Variants in MEGF11 observed in about 807,000 individuals in gnomAD.
MEGF11 encodes multiple epidermal growth factor-like domains protein 11.
A neutral mutation model predicts 146.6 loss-of-function variants in MEGF11; 126 were observed. That is an observed-to-expected ratio of 0.86 (90% CI 0.74 to 1.00). MEGF11 has a LOEUF of 1.00. MEGF11 is among the 50% of genes least tolerant of loss of function. The pLI, the probability that MEGF11 is intolerant of heterozygous loss-of-function variation, is 0.00. For synonymous variants in MEGF11, 532 were observed against 583.4 expected (o/e 0.91, Z 1.27); for missense variants, 1,509 against 1,521.2 (o/e 0.99, Z 0.13).
intron 1 of MEGF11, among the ~76,000 whole-genome samples, chr15:66,132,500 G>C (rs1368447041): frequency 6.6e-6 from 1 of 152,192 alleles, no homozygotes; most frequent in African/African-American, 2.4e-5. Context: ...CCATCTTCCC[G>C]TGATCCTTTG....
intron 4 of MEGF11, among the ~76,000 whole-genome samples, chr15:66,095,097 A>C (rs936283872): frequency 6.6e-6 from 1 of 152,236 alleles, no homozygotes; most frequent in African/African-American, 2.4e-5. Context: ...CACGATGATG[A>C]TAATTGTAAT....
rs536078305 is a variant in MEGF11 at position 65,974,608 on chromosome 15, T to C, written c.763-3919A>G. 4.0e-3 allele frequency among the ~76,000 whole-genome samples: 610 copies of C among 152,114 alleles called. 8 individuals are homozygous for C. The highest frequency in any genetic ancestry group is 7.1e-3 in the South Asian group (34 of 4,810). Reference sequence around the variant, plus strand: ...AGGCGGAGGTTGCAGTGAGCCAAGATTGTGCCACTGCACTCCAGCCTGGGC... The same window carrying C: ...AGGCGGAGGTTGCAGTGAGCCAAGACTGTGCCACTGCACTCCAGCCTGGGC... On this transcript the variant is annotated intron_variant, in intron 7 of 25. Transcript: ENST00000395614.
At position 66,018,400 on chromosome 15, in the gene MEGF11, C is replaced by T. The variant is rs145783517; in HGVS notation, c.395-35912G>A. The stretch of plus-strand genomic sequence containing the variant: ...CTAGGCTCTCCCCTCCGACTCCTCC[C>T]TGTGAAATAAGAGAGTGGGGCTACA... On this transcript the variant is annotated intron_variant, in intron 5 of 25. Coordinates refer to ENST00000395614, the MANE Select transcript of MEGF11 (RefSeq NM_001385028.1). Among the ~76,000 whole-genome samples, 701 of 152,356 alleles carry T rather than the reference C, an allele frequency of 4.6e-3. 8 individuals carry two copies. The highest frequency in any genetic ancestry group is 0.016 in the African/African-American group (658 of 41,580).
At chr15:65,910,916 A>T (rs1481716421) in intron 21 of MEGF11, among the ~76,000 whole-genome samples, 1 of 152,242 alleles carries the variant, frequency 6.6e-6, no homozygotes, top group African/African-American at 2.4e-5. Context: ...GCACAGGCAC[A>T]GGTGGGTGTC....
At chr15:66,219,449 A>G (rs1185527609) in intron 1 of MEGF11, among the ~76,000 whole-genome samples, 1 of 152,246 alleles carries the variant, frequency 6.6e-6, no homozygotes, top group African/African-American at 2.4e-5. Flanking sequence ...AAATAAGCAC[A>G]TGAAAAAAAT....
At chr15:66,249,514 T>G (rs1024095650) in intron 1 of MEGF11, among the ~76,000 whole-genome samples, 3 of 152,200 alleles carry the variant, frequency 2.0e-5, no homozygotes, top group Non-Finnish European at 2.9e-5. Context: ...TTGCAATATA[T>G]TCTCTCTGTG....
chr15:65,925,053 A>G (rs965991754), intron 13 of MEGF11, among the ~76,000 whole-genome samples: 8 of 152,302 alleles, frequency 5.3e-5, no homozygotes, highest in African/African-American at 1.7e-4. Context: ...ACTGCACACC[A>G]GGCACTCTTT....
intron 10 of MEGF11, among the ~76,000 whole-genome samples, chr15:65,955,763 T>A (rs55814694): frequency 0.16 from 890 of 5,530 alleles, 91 homozygotes; most frequent in Middle Eastern, 0.5. Flanking sequence ...AAAAAAAAAA[T>A]ATATATATAT....
At chr15:66,004,672 T>G (rs986348166) in intron 5 of MEGF11, among the ~76,000 whole-genome samples, 2 of 151,942 alleles carry the variant, frequency 1.3e-5, no homozygotes, top group African/African-American at 4.8e-5. Flanking sequence ...TTGGGGGTGG[T>G]AAGAGCCCCA....
At chr15:66,246,642 C>CAA (rs57461790) in intron 1 of MEGF11, among the ~76,000 whole-genome samples, 63 of 144,834 alleles carry the variant, frequency 4.3e-4, no homozygotes, top group Middle Eastern at 7.0e-3. Flanking sequence ...CCATCTCCAC[C>CAA]AAAAAAAAAA....
At chr15:65,992,818 C>T (rs1328979214) in intron 5 of MEGF11, among the ~76,000 whole-genome samples, 1 of 152,180 alleles carries the variant, frequency 6.6e-6, no homozygotes, top group African/African-American at 2.4e-5. Context: ...AGTTATCCCC[C>T]TTCACAGAGG....
At chr15:66,227,228 T>G (rs2091873345) in intron 1 of MEGF11, among the ~76,000 whole-genome samples, 1 of 152,134 alleles carries the variant, frequency 6.6e-6, no homozygotes. Flanking sequence ...GAGTCCCTGC[T>G]GTGCTGCTTA....
chr15:66,252,374 A>C (rs968241600), intron 1 of MEGF11, among the ~76,000 whole-genome samples: 1 of 152,108 alleles, frequency 6.6e-6, no homozygotes, highest in Non-Finnish European at 1.5e-5. Context: ...GCCTCCTCCA[A>C]CCCGCCGCAG....
chr15:65,998,308 A>G (rs1029591284), intron 5 of MEGF11, among the ~76,000 whole-genome samples: 4 of 151,724 alleles, frequency 2.6e-5, no homozygotes, highest in African/African-American at 4.8e-5. Context: ...GAGTCTTTCC[A>G]CTCCTCAGAT....
intron 5 of MEGF11, chr15:66,040,443 C>T (rs188307044): frequency 6.5e-6 from 1 of 152,906 alleles, no homozygotes; most frequent in Admixed American, 6.5e-5. Context: ...GCCTCTTTCT[C>T]ACATAACAAT....
At chr15:66,189,346 A>C (rs1053748980) in intron 1 of MEGF11, among the ~76,000 whole-genome samples, 8 of 152,118 alleles carry the variant, frequency 5.3e-5, no homozygotes, top group African/African-American at 1.4e-4. Context: ...GGGGACATGT[A>C]ATAAACATAA....
intron 5 of MEGF11, among the ~76,000 whole-genome samples, chr15:66,035,278 T>C (rs899329746): frequency 6.6e-6 from 1 of 152,214 alleles, no homozygotes; most frequent in Admixed American, 6.5e-5. Flanking sequence ...ACAATCACCA[T>C]GACTACTACT....
intron 1 of MEGF11, among the ~76,000 whole-genome samples, chr15:66,160,861 C>A (rs1266492366): frequency 1.3e-5 from 2 of 152,118 alleles, no homozygotes; most frequent in Non-Finnish European, 2.9e-5. Context: ...TATGCCAGAG[C>A]TAGAAGCAGG....
rs1555468628 is a variant in MEGF11, at chr15:66,082,514, T to TATCTATAA, written c.394+11887_394+11888insTTATAGAT. 6.1e-5 allele frequency among the ~76,000 whole-genome samples: 7 copies of TATCTATAA among 115,022 alleles called. No homozygotes were observed. The South Asian group carries it at 9.4e-4, about 15-fold the overall frequency. The allele number at this position is 115,022 out of a possible 152,430, so 75.5% of individuals were successfully genotyped here. A position where few individuals can be genotyped will look rare whatever the true frequency, so the allele number is the denominator to read the frequency against. On this transcript the variant is annotated intron_variant, in intron 5 of 25. Transcript: ENST00000395614. ...CTATCTATCTATCTATCTATCTATC[T>TATCTATAA]ATAAATAAATTAGCCAGGTGTGGTG... is the stretch of plus-strand genomic sequence containing the variant.
Sources: allele counts gnomAD v4.1 joint callset (sites outside exome capture counted in the v4.1 genomes callset), GRCh38; gene constraint gnomAD v4.1.1; transcripts MANE v1.5; gene names NCBI Gene and HGNC (gene_info 2026-07-23, HGNC 2026-07-21).